Variants in EHD3 observed in about 807,000 individuals in gnomAD.
EHD3 encodes EH domain-containing protein 3.
A neutral mutation model predicts 43.0 loss-of-function variants in EHD3; 17 were observed. The observed-to-expected ratio is 0.40, with a 90% confidence interval of 0.27 to 0.59. The LOEUF (loss-of-function observed/expected upper bound fraction) is 0.59. EHD3 is among the 20% of genes least tolerant of loss of function. EHD3 has a pLI of 0.49. For missense variants in EHD3, 594 were observed against 705.6 expected (o/e 0.84, Z 1.79); for synonymous variants, 313 against 289.5 (o/e 1.08, Z -0.82).
intron 2 of EHD3, among the ~76,000 whole-genome samples, chr2:31,246,466 G>C (rs998161109): frequency 6.6e-6 from 1 of 152,158 alleles, no homozygotes; most frequent in Non-Finnish European, 1.5e-5. Context: ...GAAAAGCCAG[G>C]GGGAGACAAG....
intron 2 of EHD3, among the ~76,000 whole-genome samples, chr2:31,246,039 G>A (rs1683520315): frequency 6.6e-6 from 1 of 152,102 alleles, no homozygotes; most frequent in Admixed American, 6.5e-5. Flanking sequence ...GGGAGCAGAG[G>A]AAGGGTCACG....
chr2:31,267,012 C>G lies in EHD3; in HGVS notation c.*308C>G, dbSNP rs1432043797. The G allele has an allele frequency of 3.1e-6, 1 of 326,810 alleles. No individual in the cohort carries two copies. 20.2% of individuals were successfully genotyped at this position (326,810 alleles called of 1,614,324 possible). A position where few individuals can be genotyped will look rare whatever the true frequency, so the allele number is the denominator to read the frequency against. On this transcript the variant is annotated 3_prime_UTR_variant, in exon 6 of 6. Transcript: ENST00000322054. ...CAGATACCAGACCTGAGGCAATTCACTTGCCAGCACAGATGGCCAACCCAC... is the reference window on the plus strand; with the variant it reads ...CAGATACCAGACCTGAGGCAATTCAGTTGCCAGCACAGATGGCCAACCCAC...
At chr2:31,242,743 G>T (rs1233945527) in intron 1 of EHD3, among the ~76,000 whole-genome samples, 9 of 152,250 alleles carry the variant, frequency 5.9e-5, no homozygotes, top group African/African-American at 2.2e-4. Flanking sequence ...TGGATCACCT[G>T]AGGTCGGGAG....
At chr2:31,263,916 T>C (rs1453222202) in intron 5 of EHD3, among the ~76,000 whole-genome samples, 1 of 152,202 alleles carries the variant, frequency 6.6e-6, no homozygotes, top group African/African-American at 2.4e-5. Context: ...TGCAGAGACC[T>C]GCAAAGTGGA....
In EHD3 at chr2:31,245,735, G is replaced by GTTTT. The variant is rs765195110; in HGVS notation, c.404+1307_404+1310dup. Among the ~76,000 whole-genome samples the GTTTT allele has an allele frequency of 1.5e-3, 101 of 68,298 alleles. 4 individuals carry two copies. Among genetic ancestry groups the GTTTT allele is most frequent in the African/African-American group, 4.7e-3 (81 of 17,070 alleles). The allele number at this position is 68,298 out of a possible 152,430, so 44.8% of individuals were successfully genotyped here. ...TGCCACCACGCCCGACTAATTTTGT[G>GTTTT]TTTTTTTTTTTTTTTTTTTTTTTTT... On this transcript the variant is annotated intron_variant, in intron 2 of 5. Coordinates refer to ENST00000322054, the MANE Select transcript of EHD3 (RefSeq NM_014600.3).
intron 3 of EHD3, among the ~76,000 whole-genome samples, chr2:31,251,238 G>A (rs1683628478): frequency 6.6e-6 from 1 of 152,226 alleles, no homozygotes; most frequent in South Asian, 2.1e-4. Flanking sequence ...ATGAGGGCAG[G>A]TGTGTGGTGC....
rs111364798 is a variant in EHD3, at chr2:31,260,692, C to T, written c.685C>T (p.Leu229=). ...AGCTGACCAGATCGAGACGCAGCAG[C>T]TGATGCGGGTGTACGGGGCCCTCAT... ...NKADQIETQQ[L]MRVYGALMWS... is the part of the protein sequence containing the mutation. The change falls in exon 4 of 6, where the codon CTG becomes TTG. Residue 229 remains leucine, a synonymous_variant. Transcript: ENST00000322054. The surrounding 1 kb of genome is among the most constrained non-coding windows in gnomAD (Gnocchi z 4.6). The T allele has an allele frequency of 1.7e-3, 2,739 of 1,614,240 alleles. 60 individuals are homozygous for T. In the South Asian group the frequency reaches 0.026, roughly 15 times the overall value.
chr2:31,239,849 C>G (rs1447636554), intron 1 of EHD3, among the ~76,000 whole-genome samples: 1 of 150,788 alleles, frequency 6.6e-6, no homozygotes, highest in Non-Finnish European at 1.5e-5. Context: ...CGAGCTGACT[C>G]TAACAGGAGA....
At chr2:31,237,578 T>C (rs943896767) in intron 1 of EHD3, among the ~76,000 whole-genome samples, 1 of 152,110 alleles carries the variant, frequency 6.6e-6, no homozygotes, top group African/African-American at 2.4e-5. Context: ...CCAATTTTTG[T>C]ATTTTAAGTA....
At chr2:31,255,463 T>C (rs1192398261) in intron 3 of EHD3, among the ~76,000 whole-genome samples, 4 of 151,882 alleles carry the variant, frequency 2.6e-5, no homozygotes, top group Admixed American at 2.6e-4. Context: ...CATTCAGTCA[T>C]TTGTTATCCC....
At position 31,234,606 on chromosome 2, in the gene EHD3, G is replaced by A. The variant is rs1683287669; in HGVS notation, c.-16G>A. ...CTTCCCCTGGGGCTGCGTGCCGGGG[G>A]CGAGCGGCGGCCGCGATGTTCAGCT... is the stretch of plus-strand genomic sequence containing the variant. On this transcript the variant is annotated 5_prime_UTR_variant, in exon 1 of 6. Coordinates refer to ENST00000322054, the MANE Select transcript of EHD3 (RefSeq NM_014600.3). The A allele has an allele frequency of 1.9e-6, 3 of 1,612,528 alleles. No homozygotes were observed. The highest frequency in any genetic ancestry group is 2.2e-5 in the South Asian group (2 of 91,076).
intron 3 of EHD3, among the ~76,000 whole-genome samples, chr2:31,252,631 C>T (rs1299564113): frequency 3.9e-5 from 6 of 152,330 alleles, no homozygotes; most frequent in African/African-American, 1.4e-4. Flanking sequence ...TGCGCCACCA[C>T]ACCCAGCTAA....
chr2:31,262,684 G>T (rs1031867171), intron 5 of EHD3, among the ~76,000 whole-genome samples: 7 of 152,218 alleles, frequency 4.6e-5, no homozygotes, highest in Admixed American at 1.3e-4. Context: ...TTGGGAAGCC[G>T]AGGCGGGCAG....
chr2:31,237,885 T>TA (rs1463090576), intron 1 of EHD3, among the ~76,000 whole-genome samples: 1 of 152,232 alleles, frequency 6.6e-6, no homozygotes, highest in Admixed American at 6.5e-5. Context: ...ATTCTTCACT[T>TA]AATCTACTTC....
intron 1 of EHD3, among the ~76,000 whole-genome samples, chr2:31,241,829 G>C (rs1047424909): frequency 2.0e-5 from 3 of 152,196 alleles, no homozygotes; most frequent in Non-Finnish European, 4.4e-5. Context: ...ATTCTGAGAA[G>C]GCAGGAAGTG....
Position 31,243,460 on chromosome 2 carries a change from C to CTTT in EHD3, c.228-803_228-801dup, listed in dbSNP as rs1309146980. Among the ~76,000 whole-genome samples, 10 of 98,478 alleles carry CTTT rather than the reference C, an allele frequency of 1.0e-4. 1 individual carries two copies. The highest frequency in any genetic ancestry group is 3.7e-4 in the African/African-American group (8 of 21,830). The allele number at this position is 98,478 out of a possible 152,430, so 64.6% of individuals were successfully genotyped here. A position where few individuals can be genotyped will look rare whatever the true frequency, so the allele number is the denominator to read the frequency against. On this transcript the variant is annotated intron_variant, in intron 1 of 5. Transcript: ENST00000322054. ...TCTTTCTTTCTTTCTTTCTTTCTTT[C>CTTT]TTTTTTTTTTTTTGAGACAGAGTTT...
rs2148726585 is a variant in EHD3, at chr2:31,268,822, A to T, written c.*2118A>T. ...GGAAGGAAATAGCAGAGGTAGGTGA[A>T]GTTCCTGTCTTTTTATTTTATAGGA... On this transcript the variant is annotated 3_prime_UTR_variant, in exon 6 of 6. Coordinates refer to ENST00000322054, the MANE Select transcript of EHD3 (RefSeq NM_014600.3). 6.6e-6 allele frequency: 1 copy of T among 152,318 alleles called. No homozygotes were observed. The highest frequency in any genetic ancestry group is 1.5e-5 in the Non-Finnish European group (1 of 68,040). The allele number at this position is 152,318 out of a possible 1,614,324, so 9.4% of individuals were successfully genotyped here. A position where few individuals can be genotyped will look rare whatever the true frequency, so the allele number is the denominator to read the frequency against.
chr2:31,265,233 A>G (rs1173403932), intron 5 of EHD3, among the ~76,000 whole-genome samples: 1 of 152,242 alleles, frequency 6.6e-6, no homozygotes, highest in Non-Finnish European at 1.5e-5. Context: ...AATAAAAAGT[A>G]CAGTATAGTA....
At chr2:31,251,392 G>A (rs978623047) in intron 3 of EHD3, among the ~76,000 whole-genome samples, 4 of 152,200 alleles carry the variant, frequency 2.6e-5, no homozygotes, top group Non-Finnish European at 5.9e-5. Context: ...GCCCTCCAGG[G>A]AAGACACAGC....
Sources: allele counts gnomAD v4.1 joint callset (sites outside exome capture counted in the v4.1 genomes callset), GRCh38; gene constraint gnomAD v4.1.1; non-coding constraint Gnocchi (gnomAD v3.1); transcripts MANE v1.5; gene names NCBI Gene and HGNC (gene_info 2026-07-23, HGNC 2026-07-21).